The following MTMR7 variants were observed in gnomAD, a reference collection of about 807,000 sequenced individuals.
MTMR7 encodes phosphatidylinositol-3-phosphate phosphatase MTMR7.
MTMR7 carries 76 observed loss-of-function variants against 81.2 expected under a neutral mutation model. That is an observed-to-expected ratio of 0.94 (90% confidence interval 0.78 to 1.13). The LOEUF (loss-of-function observed/expected upper bound fraction) is 1.13, where lower values mean the gene tolerates loss of function less well. Ranked by LOEUF, MTMR7 falls within the 50% of genes most tolerant of loss-of-function variation. MTMR7 has a pLI of 0.00. For missense variants in MTMR7, 1,044 were observed against 820.0 expected (o/e 1.27, Z -3.34); for synonymous variants, 372 against 289.8 (o/e 1.28, Z -2.88).
At chr8:17,300,279 T>C in intron 13 of MTMR7, 55 bp from the exon 14 acceptor site, 2 of 1,520,092 alleles carry the variant, frequency 1.3e-6, no homozygotes, top group Non-Finnish European at 1.8e-6. Context: ...TATCTTTTTC[T>C]ATATATGCAT....
At chr8:17,395,502 T>C (rs942961431) in intron 1 of MTMR7, among the ~76,000 whole-genome samples, 12 of 152,224 alleles carry the variant, frequency 7.9e-5, no homozygotes, top group Admixed American at 6.5e-4. Context: ...CAAAGGGTTT[T>C]CCACAGCAGC....
intron 3 of MTMR7, among the ~76,000 whole-genome samples, chr8:17,362,876 C>G (rs1249655776): frequency 6.6e-6 from 1 of 152,296 alleles, no homozygotes; most frequent in South Asian, 2.1e-4. Context: ...AGGTTTCAAA[C>G]TTGAGATGAC....
intron 6 of MTMR7, among the ~76,000 whole-genome samples, chr8:17,332,928 G>C (rs1819087372): frequency 6.6e-6 from 1 of 152,208 alleles, no homozygotes; most frequent in Non-Finnish European, 1.5e-5. Context: ...CAGGCGACAG[G>C]AGAATGCCAT....
intron 1 of MTMR7, among the ~76,000 whole-genome samples, chr8:17,376,041 A>G (rs1820575756): frequency 6.6e-6 from 1 of 152,162 alleles, no homozygotes; most frequent in Admixed American, 6.5e-5. Context: ...ATCACCGCAA[A>G]AAGAAATCCT....
intron 1 of MTMR7, among the ~76,000 whole-genome samples, chr8:17,373,506 T>A (rs1458469659): frequency 6.7e-6 from 1 of 148,948 alleles, no homozygotes; most frequent in African/African-American, 2.5e-5. Flanking sequence ...ATACCCTCTC[T>A]GGGTTTTACA....
chr8:17,403,301 C>T (rs1230850596), intron 1 of MTMR7, among the ~76,000 whole-genome samples: 1 of 152,104 alleles, frequency 6.6e-6, no homozygotes, highest in East Asian at 1.9e-4. Flanking sequence ...ATATGGATAT[C>T]CAGTTTTCTA....
chr8:17,326,300 A>C (rs1353628293), intron 7 of MTMR7: 1 of 152,214 alleles, frequency 6.6e-6, no homozygotes, highest in Non-Finnish European at 1.5e-5. Flanking sequence ...CGTAAAATGA[A>C]GATAAGAGTG....
chr8:17,377,434 T>G (rs1717834590), intron 1 of MTMR7, among the ~76,000 whole-genome samples: 1 of 152,126 alleles, frequency 6.6e-6, no homozygotes, highest in South Asian at 2.1e-4. Flanking sequence ...TTGTTTTCTT[T>G]TTACCTCTTT....
chr8:17,388,657 A>C (rs1821016168), intron 1 of MTMR7, among the ~76,000 whole-genome samples: 1 of 152,226 alleles, frequency 6.6e-6, no homozygotes, highest in Non-Finnish European at 1.5e-5. Flanking sequence ...CTCTTTGGGA[A>C]CTATGGGGAA....
Position 17,373,251 on chromosome 8 carries a change from C to G in MTMR7, c.25-11G>C. 6.2e-7 allele frequency: 1 copy of G among 1,606,830 alleles called. No homozygotes were observed. On this transcript the variant is annotated splice_polypyrimidine_tract_variant and intron_variant, in intron 1 of 13. Coordinates refer to ENST00000180173, the MANE Select transcript of MTMR7 (RefSeq NM_004686.5). ...GCGGACATTTTCAACCTAGAGAAAT[C>G]GGCATGATGAAAAGAGTTACCGTAA...
At chr8:17,364,686 GC>G (rs1465356935) in intron 3 of MTMR7, among the ~76,000 whole-genome samples, 2 of 152,146 alleles carry the variant, frequency 1.3e-5, no homozygotes, top group Admixed American at 6.5e-5. Flanking sequence ...GTTATGTTTG[GC>G]TTTTTTCACT....
At chr8:17,364,632 T>C (rs939919305) in intron 3 of MTMR7, among the ~76,000 whole-genome samples, 11 of 152,230 alleles carry the variant, frequency 7.2e-5, no homozygotes, top group African/African-American at 2.7e-4. Flanking sequence ...TCTATGAGTT[T>C]AACTGTCATA....
rs770217035 is a variant in MTMR7, at chr8:17,305,770, T to C, written c.1339A>G (p.Arg447Gly). The C allele has an allele frequency of 1.2e-6, 2 of 1,611,214 alleles. No homozygotes were observed. Among genetic ancestry groups the C allele is most frequent in the Admixed American group, 3.3e-5 (2 of 59,978 alleles). Residue 447 changes from arginine (R) to glycine (G), a missense_variant, in exon 11 of 14, where the codon AGA becomes GGA. Coordinates refer to ENST00000180173, the MANE Select transcript of MTMR7 (RefSeq NM_004686.5). Reference sequence around the variant, plus strand: ...CAAAACACTTACTTGAGTTCTCGTCTCTCCTTTTGGCTGTTACATAGGAAG... The same window carrying C: ...CAAAACACTTACTTGAGTTCTCGTCCCTCCTTTTGGCTGTTACATAGGAAG... ...GNFLCNSQKE[R>G]RELKIQERTY...
In MTMR7 at chr8:17,302,706, C is replaced by G. The variant is rs544899161; in HGVS notation, c.1494-426G>C. 8.3e-3 allele frequency among the ~76,000 whole-genome samples: 396 copies of G among 47,960 alleles called. 43 individuals carry two copies. Among genetic ancestry groups the G allele is most frequent in the African/African-American group, 0.019 (373 of 19,548 alleles). The allele number at this position is 47,960 out of a possible 152,430, so 31.5% of individuals were successfully genotyped here. ...GTTGACATTTGCATTGGCAATAACCCCCCCCCCCCCGCTTTTTTTTTTAAT... is the reference window on the plus strand; with the variant it reads ...GTTGACATTTGCATTGGCAATAACCGCCCCCCCCCCGCTTTTTTTTTTAAT... On this transcript the variant is annotated intron_variant, in intron 12 of 13. Coordinates refer to ENST00000180173, the MANE Select transcript of MTMR7 (RefSeq NM_004686.5).
At chr8:17,399,483 C>T (rs1397416917) in intron 1 of MTMR7, among the ~76,000 whole-genome samples, 1 of 151,960 alleles carries the variant, frequency 6.6e-6, no homozygotes, top group African/African-American at 2.4e-5. Context: ...TTAAAGAGGA[C>T]ACACAAAAAT....
intron 3 of MTMR7, among the ~76,000 whole-genome samples, chr8:17,362,302 C>T (rs1265048839): frequency 2.6e-5 from 4 of 152,152 alleles, no homozygotes; most frequent in African/African-American, 4.8e-5. Context: ...TGGCACTTAA[C>T]CGCATACCTC....
intron 7 of MTMR7, among the ~76,000 whole-genome samples, chr8:17,321,159 C>T (rs1186304019): frequency 1.3e-5 from 2 of 152,220 alleles, no homozygotes; most frequent in Non-Finnish European, 2.9e-5. Context: ...ACCACCTTCT[C>T]TTCCCACAAG....
chr8:17,335,651 T>C (rs935563476), intron 6 of MTMR7, among the ~76,000 whole-genome samples: 4 of 152,336 alleles, frequency 2.6e-5, no homozygotes, highest in East Asian at 1.9e-4. Flanking sequence ...CTCCCTCCTA[T>C]ATAACTGGTT....
intron 1 of MTMR7, among the ~76,000 whole-genome samples, chr8:17,412,553 A>G (rs757273924): frequency 1.3e-5 from 2 of 152,246 alleles, no homozygotes; most frequent in African/African-American, 2.4e-5. Flanking sequence ...AACGTTTCCA[A>G]TGTTAATTTA....
Sources: gnomAD v4.1 joint callset for allele counts (sites outside exome capture counted in the v4.1 genomes callset) on GRCh38, gnomAD v4.1.1 for gene constraint, MANE v1.5 for transcripts, NCBI Gene and HGNC (gene_info 2026-07-23, HGNC 2026-07-21) for gene names.